CPNE4: variants seen among roughly 807,000 people sequenced by gnomAD.
The protein encoded by CPNE4 is copine-4.
In CPNE4, 25 loss-of-function variants were observed where a neutral mutation model predicts 67.9. That is an observed-to-expected ratio of 0.37 (90% CI 0.27 to 0.51). The LOEUF is 0.51. Ranked by LOEUF, CPNE4 falls within the 20% of genes least tolerant of loss-of-function variation. The pLI, the probability that CPNE4 is intolerant of heterozygous loss-of-function variation, is 0.93. For missense variants in CPNE4, 464 were observed against 690.8 expected (o/e 0.67, Z 3.68); for synonymous variants, 242 against 244.9 (o/e 0.99, Z 0.11).
chr3:131,725,082 T>C (rs2081971961), intron 2 of CPNE4, among the ~76,000 whole-genome samples: 1 of 152,256 alleles, frequency 6.6e-6, no homozygotes, highest in East Asian at 1.9e-4. Context: ...TTTCTGACAT[T>C]TGTTAGCACA....
At chr3:131,964,716 G>A (rs1418744243) in intron 1 of CPNE4, among the ~76,000 whole-genome samples, 1 of 151,900 alleles carries the variant, frequency 6.6e-6, no homozygotes, top group African/African-American at 2.4e-5. Flanking sequence ...AAGAAATATG[G>A]GACTATGTGA....
intron 3 of CPNE4, among the ~76,000 whole-genome samples, chr3:131,715,272 G>T (rs1174967849): frequency 2.0e-5 from 3 of 152,200 alleles, no homozygotes; most frequent in African/African-American, 7.2e-5. Context: ...CCAGAGGGAA[G>T]ATGATCAAGC....
chr3:131,669,105 G>T (rs1324519317), intron 7 of CPNE4, among the ~76,000 whole-genome samples: 1 of 152,082 alleles, frequency 6.6e-6, no homozygotes, highest in African/African-American at 2.4e-5. Context: ...GTCCAAGCTG[G>T]CCTGGGGATG....
At chr3:131,594,888 G>T (rs951772334) in intron 7 of CPNE4, among the ~76,000 whole-genome samples, 7 of 152,122 alleles carry the variant, frequency 4.6e-5, no homozygotes, top group African/African-American at 1.2e-4. Context: ...TAAAAAAATT[G>T]ACATAAGACT....
intron 10 of CPNE4, among the ~76,000 whole-genome samples, chr3:131,566,947 A>C (rs1283334934): frequency 1.3e-5 from 2 of 151,982 alleles, no homozygotes; most frequent in Non-Finnish European, 2.9e-5. Flanking sequence ...AAAGTGAATC[A>C]TTGGCAGGTG....
At chr3:131,722,526 T>A (rs1443183560) in intron 3 of CPNE4, among the ~76,000 whole-genome samples, 1 of 149,224 alleles carries the variant, frequency 6.7e-6, no homozygotes, top group African/African-American at 2.5e-5. Flanking sequence ...TCTTCTGCAA[T>A]CCCTAGATAA....
At chr3:131,580,789 C>T (rs1375421420) in intron 9 of CPNE4, among the ~76,000 whole-genome samples, 1 of 152,178 alleles carries the variant, frequency 6.6e-6, no homozygotes, top group African/African-American at 2.4e-5. Flanking sequence ...AAAGTTGTAG[C>T]CCCTCTGGAA....
At chr3:131,896,246 CAT>C (rs1281289149) in intron 2 of CPNE4, among the ~76,000 whole-genome samples, 5 of 151,898 alleles carry the variant, frequency 3.3e-5, no homozygotes, top group African/African-American at 1.2e-4. Context: ...TGATAATATA[CAT>C]ATATATACAC....
At chr3:131,688,265 C>A (rs560882406) in intron 5 of CPNE4, among the ~76,000 whole-genome samples, 4 of 152,154 alleles carry the variant, frequency 2.6e-5, no homozygotes, top group Non-Finnish European at 5.9e-5. Context: ...CTGGAACATC[C>A]GCTACTACTC....
intron 4 of CPNE4, among the ~76,000 whole-genome samples, chr3:131,698,959 A>G (rs16837661): frequency 0.032 from 4,762 of 151,098 alleles, 110 homozygotes; most frequent in East Asian, 0.1. Flanking sequence ...TTAAAAAGGA[A>G]TGTTCAAAAT....
At chr3:131,778,245 C>G (rs1440337786) in intron 2 of CPNE4, among the ~76,000 whole-genome samples, 1 of 152,232 alleles carries the variant, frequency 6.6e-6, no homozygotes, top group Middle Eastern at 3.4e-3. Context: ...CATGCACATT[C>G]TCAAGGCCAG....
intron 8 of CPNE4, 29 bp downstream of exon 8, chr3:131,587,455 G>C (rs1414476555): frequency 2.6e-6 from 4 of 1,545,200 alleles, no homozygotes; most frequent in Admixed American, 3.3e-5. Context: ...ACCGACTGGA[G>C]GCAAAACCAA....
intron 2 of CPNE4, among the ~76,000 whole-genome samples, chr3:131,835,153 C>T (rs898598712): frequency 7.9e-5 from 12 of 152,216 alleles, no homozygotes; most frequent in African/African-American, 2.9e-4. Flanking sequence ...ACTGTGAGTT[C>T]CCTATATATT....
chr3:131,833,859 G>C (rs1436055657), intron 2 of CPNE4, among the ~76,000 whole-genome samples: 1 of 152,158 alleles, frequency 6.6e-6, no homozygotes, highest in African/African-American at 2.4e-5. Context: ...TCCACTGTGC[G>C]AGCCACATAT....
intron 1 of CPNE4, among the ~76,000 whole-genome samples, chr3:131,995,571 C>T (rs926608902): frequency 6.6e-6 from 1 of 152,190 alleles, no homozygotes; most frequent in Non-Finnish European, 1.5e-5. Flanking sequence ...TGAAATGAGA[C>T]CACTCTGAAA....
intron 15 of CPNE4, among the ~76,000 whole-genome samples, chr3:131,540,155 A>G (rs543908447): frequency 2.0e-5 from 3 of 152,262 alleles, no homozygotes; most frequent in Admixed American, 2.0e-4. Flanking sequence ...TTGTGGGAAG[A>G]TTGACTGCTG....
At chr3:131,543,866 C>T (rs1935664763) in intron 14 of CPNE4, among the ~76,000 whole-genome samples, 2 of 152,198 alleles carry the variant, frequency 1.3e-5, no homozygotes, top group African/African-American at 4.8e-5. Context: ...GGTTGCAGTG[C>T]TCCCATGGCT....
At chr3:131,582,918 G>A (rs564323711) in intron 8 of CPNE4, among the ~76,000 whole-genome samples, 10 of 152,260 alleles carry the variant, frequency 6.6e-5, no homozygotes, top group Non-Finnish European at 1.5e-4. Context: ...CCAACCTAGC[G>A]AATGTTGAGT....
At chr3:131,755,872 C>G (rs895167423) in intron 2 of CPNE4, among the ~76,000 whole-genome samples, 3 of 152,202 alleles carry the variant, frequency 2.0e-5, no homozygotes, top group Admixed American at 6.5e-5. Flanking sequence ...CAGATGCACT[C>G]TGCAACAATT....
Sources: gnomAD v4.1 joint callset for allele counts (sites outside exome capture counted in the v4.1 genomes callset) on GRCh38, gnomAD v4.1.1 for gene constraint, MANE v1.5 for transcripts, NCBI Gene and HGNC (gene_info 2026-07-23, HGNC 2026-07-21) for gene names.